ZNF30: variants seen among roughly 807,000 people sequenced by gnomAD.
ZNF30 encodes zinc finger protein 30 (KOX 28).
A neutral mutation model predicts 13.2 loss-of-function variants in ZNF30; 15 were observed. That is an observed-to-expected ratio of 1.13 (90% confidence interval 0.76 to 1.75). The LOEUF is 1.75. Ranked by LOEUF, ZNF30 falls within the 40% of genes most tolerant of loss-of-function variation. The probability of loss-of-function intolerance (pLI) is 0.00; values close to 1 mark genes in which losing one functional copy is unlikely to be tolerated. For synonymous variants in ZNF30, 223 were observed against 256.6 expected, an observed-to-expected ratio of 0.87 and a Z score of 1.25; for missense variants, 726 against 757.0, an observed-to-expected ratio of 0.96 and a Z score of 0.48.
chr19:34,926,621 G>T, upstream of ZNF30: 1 of 202,116 alleles, frequency 4.9e-6, no homozygotes. Context: ...CAAACAGTAC[G>T]GAAAGATAAT....
chr19:34,934,975 A>G (rs1446566806), intron 4 of ZNF30, among the ~76,000 whole-genome samples: 2 of 152,178 alleles, frequency 1.3e-5, no homozygotes, highest in African/African-American at 2.4e-5. Flanking sequence ...CACGCCTGTA[A>G]TCCCAGTACT....
intron 4 of ZNF30, among the ~76,000 whole-genome samples, chr19:34,934,445 AG>A (rs1568538695): frequency 6.6e-6 from 1 of 151,986 alleles, no homozygotes; most frequent in Non-Finnish European, 1.5e-5. Context: ...TTTAATCTTC[AG>A]TAGAGACAGT....
At chr19:34,936,419 C>T (rs192546433) in intron 4 of ZNF30, among the ~76,000 whole-genome samples, 62 of 152,168 alleles carry the variant, frequency 4.1e-4, no homozygotes, top group Non-Finnish European at 5.9e-4. Flanking sequence ...CTTGAGCAGC[C>T]GAATGGTGGT....
chr19:34,927,882 T>C (rs1013923064), intron 1 of ZNF30, among the ~76,000 whole-genome samples: 1 of 152,144 alleles, frequency 6.6e-6, no homozygotes, highest in African/African-American at 2.4e-5. Flanking sequence ...AAAGAAAGCA[T>C]GCCAGAGAAA....
intron 4 of ZNF30, 107 bp downstream of exon 4, chr19:34,933,830 T>C (rs2012589325): frequency 1.3e-6 from 1 of 764,972 alleles, no homozygotes. Flanking sequence ...TTCAAAGCCC[T>C]AGGGCCTGGG....
chr19:34,941,753 G>A (rs1184882537), intron 4 of ZNF30, among the ~76,000 whole-genome samples: 1 of 152,180 alleles, frequency 6.6e-6, no homozygotes, highest in Non-Finnish European at 1.5e-5. Context: ...GTTGGTTTTT[G>A]TGTACAAACC....
intron 4 of ZNF30, among the ~76,000 whole-genome samples, chr19:34,937,082 G>C (rs1460812620): frequency 6.6e-6 from 1 of 151,964 alleles, no homozygotes; most frequent in Non-Finnish European, 1.5e-5. Context: ...TGCGATCTCA[G>C]CTCACTGCAA....
At position 34,944,220 on chromosome 19, in the gene ZNF30, T is replaced by G. The variant is rs780419776; in HGVS notation, c.1254T>G (p.His418Gln). ...AFSTGSYLVQHQRIHTGEKPY... is the reference protein window; with the variant it reads ...AFSTGSYLVQQQRIHTGEKPY... ...GTACTGGCTCATACCTTGTTCAGCA[T>G]CAGAGGATCCATACTGGGGAGAAAC... Residue 418 changes from histidine (H) to glutamine (Q), a missense_variant, in exon 5 of 5, where the codon CAT (histidine) becomes CAG (glutamine). His to Gln is a conservative substitution (Grantham distance 24). Coordinates refer to ENST00000601142, the MANE Select transcript of ZNF30 (RefSeq NM_194325.3). 1 of 1,613,654 alleles carries G rather than the reference T, an allele frequency of 6.2e-7. No homozygotes were observed. The highest frequency in any genetic ancestry group is 8.5e-7 in the Non-Finnish European group (1 of 1,179,934).
In ZNF30 at chr19:34,944,219, A is replaced by AT. The variant is rs1475150844; in HGVS notation, c.1254dup (p.Gln419SerfsTer11). On this transcript the variant is annotated frameshift_variant, in exon 5 of 5. Transcript: ENST00000601142. LOFTEE classifies it low-confidence loss of function (END_TRUNC). ...AGTACTGGCTCATACCTTGTTCAGC[A>AT]TCAGAGGATCCATACTGGGGAGAAA... 5.6e-6 allele frequency: 9 copies of AT among 1,613,960 alleles called. No individual in the cohort carries two copies. Among genetic ancestry groups the AT allele is most frequent in the Non-Finnish European group, 7.6e-6 (9 of 1,180,012 alleles).
At chr19:34,940,622 C>T (rs1341841122) in intron 4 of ZNF30, among the ~76,000 whole-genome samples, 1 of 135,362 alleles carries the variant, frequency 7.4e-6, no homozygotes, top group African/African-American at 2.9e-5. Flanking sequence ...GAGCTGTGAT[C>T]GTACCACAGC....
rs761870664 is a variant in ZNF30, at chr19:34,929,959, A to T, written c.9+3A>T. On this transcript the variant is annotated splice_donor_region_variant and intron_variant, in intron 2 of 4. Transcript: ENST00000601142. ...ACAATTCTCAAAGCATGGCCCATGT[A>T]AGTTGGTGTTTCTTCTTGAAATATG... is the stretch of plus-strand genomic sequence containing the variant. 7 of 1,606,530 alleles carry T rather than the reference A, an allele frequency of 4.4e-6. No individual in the cohort carries two copies. The East Asian group carries it at 1.6e-4, about 36-fold the overall frequency.
Position 34,931,975 on chromosome 19 carries a change from AG to A in ZNF30, c.144del (p.Asn49ThrfsTer14). The A allele has an allele frequency of 6.2e-7, 1 of 1,600,396 alleles. No homozygotes were observed. Among genetic ancestry groups the A allele is most frequent in the Non-Finnish European group, 8.5e-7 (1 of 1,175,434 alleles). The stretch of plus-strand genomic sequence containing the variant: ...CAGAGATGTGATGTTGGAGAACTAC[AG>A]GAACTTGGTGTCAATGGGTAAGTGT... ...LYRDVMLENY[R>X]NLVSMGHSRS... On this transcript the variant is annotated frameshift_variant, in exon 3 of 5. Transcript: ENST00000601142. LOFTEE classifies it high-confidence loss of function.
In ZNF30 at chr19:34,936,424, G is replaced by A. The variant is rs184539532; in HGVS notation, c.256+2701G>A. 2.5e-3 allele frequency among the ~76,000 whole-genome samples: 384 copies of A among 152,280 alleles called. 2 individuals carry two copies. The highest frequency in any genetic ancestry group is 0.014 in the Middle Eastern group (4 of 294). On this transcript the variant is annotated intron_variant, in intron 4 of 4. Transcript: ENST00000601142. Reference sequence around the variant, plus strand: ...CAGGTTTGGACTTGAGCAGCCGAATGGTGGTACGGTCACGTGAGATGGTAA... The same window carrying A: ...CAGGTTTGGACTTGAGCAGCCGAATAGTGGTACGGTCACGTGAGATGGTAA...
At chr19:34,932,781 C>CTT (rs201053147) in intron 3 of ZNF30, among the ~76,000 whole-genome samples, 54 of 135,434 alleles carry the variant, frequency 4.0e-4, no homozygotes, top group African/African-American at 1.1e-3. Flanking sequence ...GTCATACTTT[C>CTT]TTTTTTTTTT....
intron 4 of ZNF30, among the ~76,000 whole-genome samples, chr19:34,938,619 G>T (rs1015906669): frequency 3.9e-5 from 6 of 152,114 alleles, no homozygotes; most frequent in Admixed American, 3.9e-4. Flanking sequence ...AAATACTCCA[G>T]AAGGTACTAA....
At chr19:34,932,841 A>C (rs902526456) in intron 3 of ZNF30, among the ~76,000 whole-genome samples, 22 of 147,382 alleles carry the variant, frequency 1.5e-4, no homozygotes, top group African/African-American at 5.3e-4. Flanking sequence ...AGTGCAGTGT[A>C]ATGATCTCAG....
In ZNF30 at chr19:34,927,214, T is replaced by C. The variant is rs2012121176; in HGVS notation, c.-67T>C. The stretch of plus-strand genomic sequence containing the variant: ...TCGGCGCGGAACCCGGACTGAGACA[T>C]GCGTGAGCGTTGGGTGGACCGGGCG... On this transcript the variant is annotated splice_region_variant and 5_prime_UTR_variant, in exon 1 of 5. The change abolishes an upstream ATG in the 5' untranslated region. Transcript: ENST00000601142. 7.8e-6 allele frequency: 3 copies of C among 382,408 alleles called. No individual in the cohort carries two copies. Among genetic ancestry groups the C allele is most frequent in the African/African-American group, 4.2e-5 (2 of 48,146 alleles). The allele number at this position is 382,408 out of a possible 1,614,324, so 23.7% of individuals were successfully genotyped here. A position where few individuals can be genotyped will look rare whatever the true frequency, so the allele number is the denominator to read the frequency against.
intron 2 of ZNF30, 146 bp downstream of exon 2, chr19:34,930,102 G>A (rs1354012434): frequency 4.9e-6 from 4 of 812,708 alleles, no homozygotes; most frequent in East Asian, 2.7e-5. Flanking sequence ...TCAAAGTATC[G>A]TTTCCTCCTT....
Position 34,944,064 on chromosome 19 carries a change from T to G in ZNF30, c.1098T>G (p.His366Gln), listed in dbSNP as rs757210012. The G allele has an allele frequency of 1.2e-6, 2 of 1,614,090 alleles. No individual in the cohort carries two copies. The highest frequency in any genetic ancestry group is 1.7e-5 in the Admixed American group (1 of 60,026). Residue 366 changes from histidine (H) to glutamine (Q), a missense_variant, in exon 5 of 5, where the codon CAT becomes CAG. His to Gln is a conservative substitution (Grantham distance 24). Coordinates refer to ENST00000601142, the MANE Select transcript of ZNF30 (RefSeq NM_194325.3). ...TCCTTCATGCACATCAGCGAATTCA[T>G]GCAGAGATAAAGCCCTACGGATGCA... ...SSFLHAHQRI[H>Q]AEIKPYGCKE...
Sources: gnomAD v4.1 joint callset for allele counts (sites outside exome capture counted in the v4.1 genomes callset) on GRCh38, gnomAD v4.1.1 for gene constraint, MANE v1.5 for transcripts, NCBI Gene and HGNC (gene_info 2026-07-23, HGNC 2026-07-21) for gene names.